The following CRTC3 variants were observed in gnomAD, a reference collection of about 807,000 sequenced individuals.
The protein encoded by CRTC3 is CREB regulated transcription coactivator 3, also known as CREB-regulated transcription coactivator 3.
A neutral mutation model predicts 74.5 loss-of-function variants in CRTC3; 26 were observed. The observed-to-expected ratio is 0.35, with a 90% CI of 0.26 to 0.48. The LOEUF is 0.48. Among genes scored for constraint, CRTC3 ranks in the 20% least tolerant of loss-of-function variants. The pLI is 0.99. For missense variants in CRTC3, 760 were observed against 787.3 expected (o/e 0.97, Z 0.41); for synonymous variants, 377 against 325.8 (o/e 1.16, Z -1.69).
At position 90,530,165 on chromosome 15, in the gene CRTC3, G is replaced by T. The variant is rs1217236755; in HGVS notation, c.94G>T (p.Ala32Ser). The change falls in exon 1 of 15, where the codon GCC becomes TCC. Residue 32 changes from alanine (A) to serine (S), a missense_variant. Ala to Ser is a moderately conservative substitution (Grantham distance 99). Around this residue, in one of 2 missense-constraint regions of CRTC3, gnomAD observed 108 missense variants for 152.1 expected, o/e 0.71. Coordinates refer to ENST00000268184, the MANE Select transcript of CRTC3 (RefSeq NM_022769.5). The surrounding 1 kb of genome is among the most constrained non-coding windows in gnomAD (Gnocchi z 6.2). ...GCAGAGACAGGCCGAGGAGACGCGG[G>T]CCTTCGAGCAGCTCATGACCGACCT... is the stretch of plus-strand genomic sequence containing the variant. The part of the protein sequence containing the change: ...HTQRQAEETR[A>S]FEQLMTDLTL... 7.0e-7 allele frequency: 1 copy of T among 1,428,764 alleles called. No individual in the cohort carries two copies. Among genetic ancestry groups the T allele is most frequent in the Non-Finnish European group, 9.3e-7 (1 of 1,074,044 alleles). The allele number at this position is 1,428,764 out of a possible 1,614,324, so 88.5% of individuals were successfully genotyped here.
intron 2 of CRTC3, among the ~76,000 whole-genome samples, chr15:90,586,512 C>CT (rs1315867830): frequency 6.6e-6 from 1 of 151,846 alleles, no homozygotes; most frequent in Non-Finnish European, 1.5e-5. Context: ...ACTACGGACT[C>CT]TCACTACCAT....
Position 90,629,519 on chromosome 15 carries a change from A to G in CRTC3, c.1253A>G (p.Tyr418Cys), listed in dbSNP as rs776314268. The change falls in exon 11 of 15, where the codon TAT becomes TGT. Residue 418 changes from tyrosine (Y) to cysteine (C), a missense_variant. Tyr to Cys is a radical substitution (Grantham distance 194). Around this residue, in one of 2 missense-constraint regions of CRTC3, gnomAD observed 652 missense variants for 635.2 expected, o/e 1.03. Coordinates refer to ENST00000268184, the MANE Select transcript of CRTC3 (RefSeq NM_022769.5). ...TCTTCAACCAGCCCACTGGCCCCATATCCTACCTCCCAGGTAAACACACAC... is the reference window on the plus strand; with the variant it reads ...TCTTCAACCAGCCCACTGGCCCCATGTCCTACCTCCCAGGTAAACACACAC... The part of the protein sequence containing the change: ...QLSSTSPLAP[Y>C]PTSQMVSSDR... The G allele has an allele frequency of 3.7e-6, 6 of 1,613,844 alleles. No homozygotes were observed. Among genetic ancestry groups the G allele is most frequent in the Non-Finnish European group, 4.2e-6 (5 of 1,179,868 alleles).
chr15:90,557,016 GA>G (rs1966906729), intron 2 of CRTC3, among the ~76,000 whole-genome samples: 1 of 138,262 alleles, frequency 7.2e-6, no homozygotes. Flanking sequence ...AATACAATAT[GA>G]AAAATAAATA....
intron 2 of CRTC3, among the ~76,000 whole-genome samples, chr15:90,551,325 A>G (rs550999844): frequency 2.9e-4 from 16 of 54,350 alleles, no homozygotes; most frequent in African/African-American, 1.4e-3. Flanking sequence ...ATCACTTTCT[A>G]CCTCTTTTTT....
At chr15:90,539,161 GT>G (rs1484023983) in intron 1 of CRTC3, among the ~76,000 whole-genome samples, 1 of 152,164 alleles carries the variant, frequency 6.6e-6, no homozygotes, top group Non-Finnish European at 1.5e-5. Flanking sequence ...AGTGCCAAGG[GT>G]TATGTAACCA....
At chr15:90,537,155 A>G (rs3862434) in intron 1 of CRTC3, among the ~76,000 whole-genome samples, 72,818 of 151,988 alleles carry the variant, frequency 0.48, 18,132 homozygotes, top group Non-Finnish European at 0.55. Context: ...TTCTAGCTCA[A>G]TGAGTCTAAA....
At chr15:90,613,419 G>C (rs1968413833) in intron 6 of CRTC3, among the ~76,000 whole-genome samples, 1 of 152,030 alleles carries the variant, frequency 6.6e-6, no homozygotes, top group Non-Finnish European at 1.5e-5. Context: ...TCGTATTCCT[G>C]GGCACTCTTC....
chr15:90,585,592 A>G (rs1289168772), intron 2 of CRTC3, among the ~76,000 whole-genome samples: 1 of 152,204 alleles, frequency 6.6e-6, no homozygotes, highest in Non-Finnish European at 1.5e-5. Flanking sequence ...GAGGCTCGGG[A>G]TCCTGAGTTT....
intron 2 of CRTC3, among the ~76,000 whole-genome samples, chr15:90,563,583 A>G (rs1400780096): frequency 6.6e-6 from 1 of 152,226 alleles, no homozygotes; most frequent in African/African-American, 2.4e-5. Flanking sequence ...CACTTGGCAC[A>G]GACATCTTTC....
intron 11 of CRTC3, chr15:90,634,732 G>T (rs755740637): frequency 2.5e-6 from 2 of 806,656 alleles, no homozygotes; most frequent in East Asian, 2.5e-5. Context: ...GTCATGGCAG[G>T]ACAAGCGTGT....
chr15:90,642,124 G>T lies in CRTC3; in HGVS notation c.1844G>T (p.Arg615Leu). 1 of 1,613,974 alleles carries T rather than the reference G, an allele frequency of 6.2e-7. No individual in the cohort carries two copies. Among genetic ancestry groups the T allele is most frequent in the Non-Finnish European group, 8.5e-7 (1 of 1,179,986 alleles). The change falls in exon 15 of 15, where the codon CGA becomes CTA. Residue 615 changes from arginine (R) to leucine (L), a missense_variant. Arg to Leu is a moderately radical substitution (Grantham distance 102, BLOSUM62 -2). Transcript: ENST00000268184. ...LLDPSVEETF[R>L]ADRL ...GACCCCTCTGTTGAAGAGACGTTTC[G>T]AGCTGACAGACTGTGAACAGAAGGC...
chr15:90,641,590 C>T (rs1969444760), intron 14 of CRTC3, among the ~76,000 whole-genome samples: 1 of 151,876 alleles, frequency 6.6e-6, no homozygotes, highest in African/African-American at 2.4e-5. Context: ...GTCTCAGCTA[C>T]TCGGGAGGCT....
chr15:90,613,194 A>C (rs1341896024), intron 6 of CRTC3, among the ~76,000 whole-genome samples: 3 of 151,664 alleles, frequency 2.0e-5, no homozygotes, highest in Admixed American at 2.0e-4. Context: ...GGAAAAAAAA[A>C]AAAAAAAAAA....
chr15:90,610,004 A>T (rs1378829713), intron 6 of CRTC3, among the ~76,000 whole-genome samples: 4 of 152,184 alleles, frequency 2.6e-5, no homozygotes, highest in Non-Finnish European at 5.9e-5. Context: ...AGTATAGCAG[A>T]ACTCAGAAAC....
chr15:90,628,901 G>C (rs1051665345), intron 10 of CRTC3, among the ~76,000 whole-genome samples: 2 of 152,148 alleles, frequency 1.3e-5, no homozygotes, highest in Non-Finnish European at 1.5e-5. Flanking sequence ...TACAGCCCTA[G>C]GGTCCTTTCC....
rs1969415938 is a variant in CRTC3 at position 90,640,917 on chromosome 15, C to T, written c.1549-180C>T. The T allele has an allele frequency of 1.2e-5, 7 of 592,668 alleles. No individual in the cohort carries two copies. The South Asian group carries it at 1.4e-4, about 12-fold the overall frequency. 36.7% of individuals were successfully genotyped at this position (592,668 alleles called of 1,614,324 possible). A position where few individuals can be genotyped will look rare whatever the true frequency, so the allele number is the denominator to read the frequency against. On this transcript the variant is annotated intron_variant, in intron 13 of 14. Transcript: ENST00000268184. ...ACCCCTCCTCCACCCCAGCGTCTGC[C>T]TGCCTGACAAGAATATTGTGCATGC...
intron 3 of CRTC3, chr15:90,598,143 T>G: frequency 2.7e-6 from 1 of 371,642 alleles, no homozygotes; most frequent in Non-Finnish European, 5.0e-6. Flanking sequence ...GAACACAGAG[T>G]TCCAGAGCAG....
At chr15:90,541,103 T>C (rs1051831658) in intron 2 of CRTC3, among the ~76,000 whole-genome samples, 12 of 152,252 alleles carry the variant, frequency 7.9e-5, no homozygotes, top group African/African-American at 2.4e-4. Context: ...CAATGTGGAA[T>C]TGGTGTTTCA....
intron 3 of CRTC3, chr15:90,596,351 C>T (rs570080440): frequency 6.6e-6 from 1 of 152,228 alleles, no homozygotes; most frequent in Non-Finnish European, 1.5e-5. Context: ...GGGGAGATGA[C>T]TTCTTGTGTT....
Sources: allele counts gnomAD v4.1 joint callset (sites outside exome capture counted in the v4.1 genomes callset), GRCh38; gene constraint gnomAD v4.1.1; regional missense constraint gnomAD v4.1.1; non-coding constraint Gnocchi (gnomAD v3.1); transcripts MANE v1.5; gene names NCBI Gene and HGNC (gene_info 2026-07-23, HGNC 2026-07-21).